Variants in SEMA3D observed in about 807,000 individuals in gnomAD.
SEMA3D encodes semaphorin 3D.
Under a neutral mutation model 100.1 loss-of-function variants are expected in SEMA3D, and 84 were observed. The observed-to-expected ratio is 0.84, with a 90% CI of 0.70 to 1.01. SEMA3D has a LOEUF of 1.01. Ranked by LOEUF, SEMA3D falls within the 50% of genes least tolerant of loss-of-function variation. The pLI is 0.00. For synonymous variants in SEMA3D, 312 were observed against 320.7 expected (o/e 0.97, Z 0.29); for missense variants, 875 against 934.1 (o/e 0.94, Z 0.82).
At chr7:85,088,275 A>C (rs539643014) in intron 4 of SEMA3D, among the ~76,000 whole-genome samples, 1 of 152,164 alleles carries the variant, frequency 6.6e-6, no homozygotes, top group East Asian at 1.9e-4. Flanking sequence ...ACAACATCCA[A>C]AGGAAATTCT....
At chr7:85,066,594 A>T (rs1429922920) in intron 7 of SEMA3D, among the ~76,000 whole-genome samples, 1 of 152,118 alleles carries the variant, frequency 6.6e-6, no homozygotes, top group African/African-American at 2.4e-5. Flanking sequence ...TACTATTTCA[A>T]GAAACTTCTT....
At chr7:85,148,845 G>A (rs1790287524) in intron 2 of SEMA3D, among the ~76,000 whole-genome samples, 1 of 151,552 alleles carries the variant, frequency 6.6e-6, no homozygotes, top group Non-Finnish European at 1.5e-5. Flanking sequence ...TTTGTTGTGG[G>A]TAACAGTGCT....
At chr7:85,135,963 T>C (rs1562831209) in intron 2 of SEMA3D, among the ~76,000 whole-genome samples, 1 of 152,080 alleles carries the variant, frequency 6.6e-6, no homozygotes, top group Non-Finnish European at 1.5e-5. Context: ...ATCCTGTCTA[T>C]ACAATTCCCA....
intron 1 of SEMA3D, among the ~76,000 whole-genome samples, chr7:85,168,171 A>G (rs767068796): frequency 1.3e-5 from 2 of 151,820 alleles, no homozygotes; most frequent in African/African-American, 2.4e-5. Flanking sequence ...AACTATAAAT[A>G]TGTGGAAAAT....
chr7:85,018,476 A>C (rs926759761), intron 14 of SEMA3D, among the ~76,000 whole-genome samples, 183 bp from the exon 15 acceptor site: 6 of 151,762 alleles, frequency 4.0e-5, no homozygotes, highest in Non-Finnish European at 8.8e-5. Context: ...CCTTAACAGA[A>C]ATGATAAAAA....
intron 8 of SEMA3D, among the ~76,000 whole-genome samples, chr7:85,060,475 A>C (rs1791441653): frequency 6.6e-6 from 1 of 152,138 alleles, no homozygotes; most frequent in Admixed American, 6.6e-5. Context: ...AAACAACTTA[A>C]AATTATACCA....
chr7:85,086,515 T>C (rs780358746), intron 4 of SEMA3D, among the ~76,000 whole-genome samples: 20 of 152,034 alleles, frequency 1.3e-4, no homozygotes, highest in Non-Finnish European at 2.5e-4. Flanking sequence ...TGTATATATA[T>C]ATCACATTAT....
At chr7:85,244,669 A>G in the SEMA3D span, among the ~76,000 whole-genome samples, 1 of 146,964 alleles carries the variant, frequency 6.8e-6, no homozygotes, top group Non-Finnish European at 1.5e-5. Flanking sequence ...AATCTAAATT[A>G]TTCTTCTTCC....
intron 3 of SEMA3D, among the ~76,000 whole-genome samples, chr7:85,114,052 T>C (rs1258947940): frequency 6.6e-6 from 1 of 152,218 alleles, no homozygotes; most frequent in Non-Finnish European, 1.5e-5. Flanking sequence ...AGACTCTCAA[T>C]ACTATCTAAG....
intron 2 of SEMA3D, chr7:85,151,580 T>C: frequency 7.7e-6 from 7 of 910,964 alleles, no homozygotes; most frequent in Non-Finnish European, 9.0e-6. Context: ...AGTTGATGTG[T>C]GTATGCATGT....
chr7:84,999,203 C>T lies in SEMA3D; in HGVS notation c.*237G>A, dbSNP rs530410582. ...CATAAAACATTTACAACTGTAAACCCCCTATTTTTAGGATAATTCTTATAC... is the reference window on the plus strand; with the variant it reads ...CATAAAACATTTACAACTGTAAACCTCCTATTTTTAGGATAATTCTTATAC... On this transcript the variant is annotated 3_prime_UTR_variant, in exon 19 of 19. Coordinates refer to ENST00000284136, the MANE Select transcript of SEMA3D (RefSeq NM_001384900.1). 2.1e-4 allele frequency: 105 copies of T among 506,528 alleles called. No individual in the cohort carries two copies. Among genetic ancestry groups the T allele is most frequent in the Middle Eastern group, 5.3e-4 (1 of 1,880 alleles). 31.4% of individuals were successfully genotyped at this position (506,528 alleles called of 1,614,324 possible). A position where few individuals can be genotyped will look rare whatever the true frequency, so the allele number is the denominator to read the frequency against.
chr7:85,176,554 A>G (rs1791231725), intron 1 of SEMA3D, among the ~76,000 whole-genome samples: 2 of 152,146 alleles, frequency 1.3e-5, no homozygotes, highest in Non-Finnish European at 2.9e-5. Flanking sequence ...GAAGCACAGA[A>G]TCAGGTCATT....
chr7:85,099,327 T>C (rs998505828), intron 3 of SEMA3D, among the ~76,000 whole-genome samples: 1 of 151,944 alleles, frequency 6.6e-6, no homozygotes, highest in African/African-American at 2.4e-5. Context: ...CTGATGGTTT[T>C]ATAAGGGGAA....
chr7:85,227,959 A>C, the SEMA3D span, among the ~76,000 whole-genome samples: 15 of 152,288 alleles, frequency 9.8e-5, no homozygotes, highest in South Asian at 1.0e-3. Flanking sequence ...TTAGAAAATA[A>C]TAAATTGTTC....
At chr7:85,011,770 G>A (rs1264911175) in intron 17 of SEMA3D, among the ~76,000 whole-genome samples, 1 of 151,832 alleles carries the variant, frequency 6.6e-6, no homozygotes, top group South Asian at 2.1e-4. Flanking sequence ...TCTGGACCAA[G>A]GCTTATTTTT....
At chr7:85,162,762 G>A (rs1226435677) in intron 1 of SEMA3D, among the ~76,000 whole-genome samples, 1 of 152,150 alleles carries the variant, frequency 6.6e-6, no homozygotes, top group Middle Eastern at 3.2e-3. Context: ...ACAAGCATAT[G>A]CACAAAAAGA....
chr7:85,119,144 G>A (rs192356496), intron 3 of SEMA3D, among the ~76,000 whole-genome samples: 135 of 152,230 alleles, frequency 8.9e-4, no homozygotes, highest in Non-Finnish European at 1.6e-3. Context: ...TGGAGAAAAC[G>A]GAATGCTTAT....
chr7:85,201,712 A>T, the SEMA3D span, among the ~76,000 whole-genome samples: 99,523 of 151,634 alleles, frequency 0.66, 33,226 homozygotes, highest in East Asian at 0.92. Context: ...CATTTCCATT[A>T]TTTATTTATC....
chr7:85,168,820 TGAAAGAAA>T (rs59563448), intron 1 of SEMA3D, among the ~76,000 whole-genome samples: 7,655 of 120,994 alleles, frequency 0.063, 324 homozygotes, highest in East Asian at 0.14. Context: ...GAAAGAAAGA[TGAAAGAAA>T]GAAAGAAAGA....
Sources: allele counts gnomAD v4.1 joint callset (sites outside exome capture counted in the v4.1 genomes callset), GRCh38; gene constraint gnomAD v4.1.1; transcripts MANE v1.5; gene names NCBI Gene and HGNC (gene_info 2026-07-23, HGNC 2026-07-21).